ARHGAP39: variants seen among roughly 807,000 people sequenced by gnomAD.
ARHGAP39 encodes the protein Rho GTPase activating protein 39.
In ARHGAP39, 44 loss-of-function variants were observed where a neutral mutation model predicts 106.9. That is an observed-to-expected ratio of 0.41 (90% CI 0.32 to 0.53). The LOEUF (loss-of-function observed/expected upper bound fraction) is 0.53, where lower values mean the gene tolerates loss of function less well. Among genes scored for constraint, ARHGAP39 ranks in the 20% least tolerant of loss-of-function variants. The probability of loss-of-function intolerance (pLI) is 0.21; values close to 1 mark genes in which losing one functional copy is unlikely to be tolerated. For synonymous variants in ARHGAP39, 768 were observed against 693.2 expected (o/e 1.11, Z -1.69); for missense variants, 1,496 against 1,577.3 (o/e 0.95, Z 0.87).
chr8:144,693,585 G>A, the ARHGAP39 span, among the ~76,000 whole-genome samples: 1 of 151,276 alleles, frequency 6.6e-6, no homozygotes, highest in East Asian at 2.0e-4. Flanking sequence ...GTGTTAGCCA[G>A]GATCGTCTGG....
intron 7 of ARHGAP39, among the ~76,000 whole-genome samples, chr8:144,534,909 A>C (rs1414615971): frequency 6.6e-6 from 1 of 152,212 alleles, no homozygotes; most frequent in Non-Finnish European, 1.5e-5. Flanking sequence ...CACAGAGCCC[A>C]GGGGAAGGTG....
chr8:144,547,793 G>A lies in ARHGAP39; in HGVS notation c.1293C>T (p.Pro431=), dbSNP rs1319652921. 6.3e-7 allele frequency: 1 copy of A among 1,595,730 alleles called. No individual in the cohort carries two copies. The highest frequency in any genetic ancestry group is 8.5e-7 in the Non-Finnish European group (1 of 1,175,544). ...NPGGGSYSLQ[P]SPCLLRDQRL... ...GCTGGTCCCTCAGCAGGCAGGGGCT[G>A]GGCTGCAAGGAGTACGAACCACCGC... The change falls in exon 5 of 12, where the codon CCC becomes CCT. Residue 431 remains proline (P), a synonymous_variant. Transcript: ENST00000377307. This position sits in a 1 kb window ranked among gnomAD's most constrained non-coding sequence, Gnocchi z 5.2.
chr8:144,558,864 G>A (rs1437042515), intron 3 of ARHGAP39, among the ~76,000 whole-genome samples: 2 of 151,722 alleles, frequency 1.3e-5, no homozygotes. Flanking sequence ...CTTGAGGTCA[G>A]GAGTTCGAGA....
chr8:144,561,552 G>C (rs565405276), intron 3 of ARHGAP39, among the ~76,000 whole-genome samples: 1 of 146,684 alleles, frequency 6.8e-6, no homozygotes, highest in African/African-American at 2.4e-5. Flanking sequence ...TCACACTCCA[G>C]TGGTTTCGAT....
chr8:144,622,817 G>A (rs893802571), intron 1 of ARHGAP39, among the ~76,000 whole-genome samples: 2 of 152,390 alleles, frequency 1.3e-5, no homozygotes, highest in Middle Eastern at 3.4e-3. Flanking sequence ...GGCCCTGGCC[G>A]GCAGCTGGCC....
intron 1 of ARHGAP39, among the ~76,000 whole-genome samples, chr8:144,639,370 A>C (rs1053452693): frequency 1.3e-5 from 2 of 151,820 alleles, no homozygotes; most frequent in Non-Finnish European, 2.9e-5. Context: ...AAGAAAAGAA[A>C]TATTTTTGAA....
chr8:144,601,801 C>CTG (rs367845670), intron 2 of ARHGAP39, among the ~76,000 whole-genome samples: 33 of 112,630 alleles, frequency 2.9e-4, no homozygotes, highest in Non-Finnish European at 4.8e-4. Flanking sequence ...GCTAATGTAC[C>CTG]TGTGTGTGTG....
intron 1 of ARHGAP39, among the ~76,000 whole-genome samples, chr8:144,672,122 T>G (rs555208475): frequency 4.6e-5 from 7 of 152,276 alleles, no homozygotes; most frequent in African/African-American, 1.4e-4. Flanking sequence ...ACGCCTGAAT[T>G]CTGAATAGAA....
At chr8:144,582,880 C>T (rs951494310) in intron 2 of ARHGAP39, among the ~76,000 whole-genome samples, 3 of 152,170 alleles carry the variant, frequency 2.0e-5, no homozygotes, top group African/African-American at 4.8e-5. Context: ...CGTGGGAAGG[C>T]GAGGTGGTGG....
At chr8:144,636,587 C>T (rs541396565) in intron 1 of ARHGAP39, among the ~76,000 whole-genome samples, 20 of 152,340 alleles carry the variant, frequency 1.3e-4, no homozygotes, top group African/African-American at 4.3e-4. Context: ...CTAACACAGA[C>T]ACAGCATTAC....
Position 144,547,854 on chromosome 8 carries a change from C to T in ARHGAP39, c.1232G>A (p.Arg411His), listed in dbSNP as rs1048385275. ...CGCGTACTTGTGCCGCGGGCCGGCG[C>T]GCAGCTTGGGGCTGGAGCCCGCCTG... is the stretch of plus-strand genomic sequence containing the variant. ...VEQAGSSPKL[R>H]AGPRHKYAPN... is the part of the protein sequence containing the mutation. The change falls in exon 5 of 12, where the codon CGC (arginine) becomes CAC (histidine). Residue 411 changes from arginine (R) to histidine (H), a missense_variant. By Grantham distance (29) the Arg-to-His change is conservative. Transcript: ENST00000377307. The surrounding 1 kb of genome is among the most constrained non-coding windows in gnomAD (Gnocchi z 5.2). 4 of 1,586,816 alleles carry T rather than the reference C, an allele frequency of 2.5e-6. No individual in the cohort carries two copies. The highest frequency in any genetic ancestry group is 1.7e-6 in the Non-Finnish European group (2 of 1,167,232).
chr8:144,547,945 G>A lies in ARHGAP39; in HGVS notation c.1141C>T (p.Arg381Cys), dbSNP rs1332156834. The A allele has an allele frequency of 6.3e-6, 10 of 1,597,480 alleles. No individual in the cohort carries two copies. The highest frequency in any genetic ancestry group is 8.5e-6 in the Non-Finnish European group (10 of 1,172,512). Residue 381 changes from arginine (R) to cysteine (C), a missense_variant, in exon 5 of 12, where the codon CGC becomes TGC. Around this residue, in one of 4 missense-constraint regions of ARHGAP39, gnomAD observed 905 missense variants for 816.4 expected, o/e 1.11. Transcript: ENST00000377307. This position sits in a 1 kb window ranked among gnomAD's most constrained non-coding sequence, Gnocchi z 5.2. ...GGACTGTACTCCAGGCTCAGGAAGC[G>A]CTCGGGACACTTCTGCTTGGTGAGC... ...LVLTKQKCPE[R>C]FLSLEYSPAG...
At chr8:144,655,661 G>A (rs1173114720) in intron 1 of ARHGAP39, among the ~76,000 whole-genome samples, 1 of 152,168 alleles carries the variant, frequency 6.6e-6, no homozygotes, top group Non-Finnish European at 1.5e-5. Flanking sequence ...TCTCCTCTGA[G>A]CTGTTCTAAC....
intron 3 of ARHGAP39, among the ~76,000 whole-genome samples, chr8:144,568,719 C>T (rs889385707): frequency 1.5e-4 from 23 of 151,936 alleles, no homozygotes; most frequent in Non-Finnish European, 2.8e-4. Flanking sequence ...ATTTATGAAG[C>T]GGGATAATAT....
intron 1 of ARHGAP39, among the ~76,000 whole-genome samples, chr8:144,633,137 G>GTTTTTT (rs201017011): frequency 6.7e-6 from 1 of 149,778 alleles, no homozygotes; most frequent in African/African-American, 2.5e-5. Flanking sequence ...GCAAGACCCT[G>GTTTTTT]TTTTTTTTTG....
At position 144,662,284 on chromosome 8, in the gene ARHGAP39, C is replaced by T. The variant is rs76395433; in HGVS notation, c.-82+23402G>A. Among the ~76,000 whole-genome samples the T allele has an allele frequency of 0.01, 1,567 of 150,414 alleles. 69 individuals carry two copies. In the East Asian group the frequency reaches 0.13, roughly 12 times the overall value. On this transcript the variant is annotated intron_variant, in intron 1 of 11. Coordinates refer to ENST00000377307, the MANE Select transcript of ARHGAP39 (RefSeq NM_025251.3). ...CCATTATCCACCTTGGACCATTCCC[C>T]GACTCCCCGTTTATCCACCTTGGAC...
At chr8:144,565,967 G>A (rs1393146284) in intron 3 of ARHGAP39, among the ~76,000 whole-genome samples, 1 of 150,748 alleles carries the variant, frequency 6.6e-6, no homozygotes, top group African/African-American at 2.5e-5. Context: ...AAGTCAGCAA[G>A]CTTGTGGTCC....
chr8:144,586,026 T>G lies in ARHGAP39; in HGVS notation c.81-4749A>C, dbSNP rs1205176906. Among the ~76,000 whole-genome samples the G allele has an allele frequency of 1.3e-5, 2 of 152,184 alleles. No individual in the cohort carries two copies. Among genetic ancestry groups the G allele is most frequent in the African/African-American group, 2.4e-5 (1 of 41,454 alleles). On this transcript the variant is annotated intron_variant, in intron 2 of 11. Coordinates refer to ENST00000377307, the MANE Select transcript of ARHGAP39 (RefSeq NM_025251.3). The surrounding 1 kb of genome is among the most constrained non-coding windows in gnomAD (Gnocchi z 4.2). Reference sequence around the variant, plus strand: ...CAGAGTCTTGCTCTGTCACCCAGGCTGGAGTGCAGTGGTGTGATCTCAGCT... The same window carrying G: ...CAGAGTCTTGCTCTGTCACCCAGGCGGGAGTGCAGTGGTGTGATCTCAGCT...
chr8:144,568,333 CAAAAAAAAAA>C (rs34670018), intron 3 of ARHGAP39, among the ~76,000 whole-genome samples: 2 of 47,294 alleles, frequency 4.2e-5, no homozygotes, highest in East Asian at 9.0e-4. Flanking sequence ...GACTCTGTCT[CAAAAAAAAAA>C]AAAAAAAAAA....
Sources: gnomAD v4.1 joint callset for allele counts (sites outside exome capture counted in the v4.1 genomes callset) on GRCh38, gnomAD v4.1.1 for gene constraint, gnomAD v4.1.1 regional missense constraint, Gnocchi (gnomAD v3.1) non-coding constraint, MANE v1.5 for transcripts, NCBI Gene and HGNC (gene_info 2026-07-23, HGNC 2026-07-21) for gene names.